NSD2: variants seen among roughly 807,000 people sequenced by gnomAD.
NSD2 encodes nuclear receptor binding SET domain protein 2, also known as histone-lysine N-methyltransferase NSD2.
NSD2 carries 12 observed loss-of-function variants against 139.0 expected under a neutral mutation model. That is an observed-to-expected ratio of 0.09 (90% CI 0.06 to 0.14). The LOEUF is 0.14. Among genes scored for constraint, NSD2 ranks in the 10% least tolerant of loss-of-function variants. The probability of loss-of-function intolerance (pLI) is 1.00; values close to 1 mark genes in which losing one functional copy is unlikely to be tolerated. For synonymous variants in NSD2, 669 were observed against 648.7 expected, an observed-to-expected ratio of 1.03 and a Z score of -0.48; for missense variants, 1,155 against 1,745.0, an observed-to-expected ratio of 0.66 and a Z score of 6.02.
chr4:1,902,161 T>C (rs991704183), intron 2 of NSD2, among the ~76,000 whole-genome samples: 3 of 152,178 alleles, frequency 2.0e-5, no homozygotes, highest in Non-Finnish European at 4.4e-5. Flanking sequence ...AAAAAAACGT[T>C]TTTTGATTAC....
chr4:1,933,123 C>T (rs997733097), intron 6 of NSD2, among the ~76,000 whole-genome samples: 1 of 152,202 alleles, frequency 6.6e-6, no homozygotes, highest in Admixed American at 6.5e-5. Flanking sequence ...CTTGCCTGGC[C>T]CCCATCACAC....
chr4:1,881,625 C>T lies in NSD2; in HGVS notation c.-30+10083C>T, dbSNP rs553336659. Among the ~76,000 whole-genome samples the T allele has an allele frequency of 6.2e-4, 94 of 152,214 alleles. No individual in the cohort carries two copies. The South Asian group carries it at 0.019, about 31-fold the overall frequency. On this transcript the variant is annotated intron_variant, in intron 1 of 21. Transcript: ENST00000508803. ...TTGCCCAGGCTGGTCTTGAATTCCT[C>T]GACTCAAGCAGTCCTTCTGCCTGCA... is the stretch of plus-strand genomic sequence containing the variant.
At chr4:1,977,031 G>A (rs1185901070) in intron 21 of NSD2, among the ~76,000 whole-genome samples, 2 of 152,248 alleles carry the variant, frequency 1.3e-5, no homozygotes, top group African/African-American at 2.4e-5. Flanking sequence ...CCCCTCCTAG[G>A]AGAAAGGCCT....
At chr4:1,900,326 A>G (rs550073611) in intron 1 of NSD2, among the ~76,000 whole-genome samples, 1 of 152,198 alleles carries the variant, frequency 6.6e-6, no homozygotes, top group African/African-American at 2.4e-5. Flanking sequence ...AAGTTAAGTT[A>G]TGTGTCCATG....
chr4:1,967,756 C>T (rs554654211), intron 18 of NSD2, among the ~76,000 whole-genome samples: 1 of 152,176 alleles, frequency 6.6e-6, no homozygotes, highest in Non-Finnish European at 1.5e-5. Flanking sequence ...TGGGTGACAT[C>T]AGACGAGACC....
intron 18 of NSD2, among the ~76,000 whole-genome samples, chr4:1,963,799 A>G (rs1725602441): frequency 6.6e-6 from 1 of 152,224 alleles, no homozygotes; most frequent in Non-Finnish European, 1.5e-5. Flanking sequence ...GGGTCACTTG[A>G]AGCCAGGAGT....
chr4:1,890,110 C>A (rs1243383743), intron 1 of NSD2, among the ~76,000 whole-genome samples: 1 of 152,164 alleles, frequency 6.6e-6, no homozygotes, highest in African/African-American at 2.4e-5. Flanking sequence ...GCTTCTTTCA[C>A]TTAGCATCAT....
At chr4:1,957,175 T>C (rs900917615) in intron 15 of NSD2, among the ~76,000 whole-genome samples, 19 of 152,158 alleles carry the variant, frequency 1.2e-4, no homozygotes, top group Non-Finnish European at 2.5e-4. Context: ...GGCCTCCTTC[T>C]TGGGACGGAT....
chr4:1,931,457 T>A (rs1329004071), intron 6 of NSD2, among the ~76,000 whole-genome samples: 1 of 152,146 alleles, frequency 6.6e-6, no homozygotes, highest in Admixed American at 6.5e-5. Context: ...TGTGCTTGGA[T>A]GTAAATTGTG....
At chr4:1,916,819 T>C in intron 3 of NSD2, 52 bp from the exon 4 acceptor site, 1 of 1,562,000 alleles carries the variant, frequency 6.4e-7, no homozygotes, top group Non-Finnish European at 8.7e-7. Context: ...ATTTGACTAG[T>C]TTCATCCCAG....
At chr4:1,913,825 C>T (rs1390963678) in intron 3 of NSD2, among the ~76,000 whole-genome samples, 1 of 151,992 alleles carries the variant, frequency 6.6e-6, no homozygotes, top group Non-Finnish European at 1.5e-5. Flanking sequence ...TCTTCAATCT[C>T]TTTGTCTTGT....
intron 6 of NSD2, among the ~76,000 whole-genome samples, chr4:1,934,027 T>A (rs1350635897): frequency 6.6e-6 from 1 of 152,138 alleles, no homozygotes; most frequent in African/African-American, 2.4e-5. Flanking sequence ...TTTTTTTTTT[T>A]AAGTTCAACT....
chr4:1,929,056 C>G (rs1287068931), intron 5 of NSD2, among the ~76,000 whole-genome samples: 1 of 151,990 alleles, frequency 6.6e-6, no homozygotes, highest in Admixed American at 6.6e-5. Context: ...AGAAGGTGTC[C>G]TCAAGGTGGG....
Position 1,953,304 on chromosome 4 carries a change from C to T in NSD2, c.2138-20C>T. The T allele has an allele frequency of 6.2e-7, 1 of 1,614,242 alleles. No homozygotes were observed. Among genetic ancestry groups the T allele is most frequent in the African/African-American group, 1.3e-5 (1 of 75,058 alleles). On this transcript the variant is annotated intron_variant, in intron 11 of 21. Transcript: ENST00000508803. ...GTTCTTTGCACCTCTCTCTCCACCC[C>T]TTCTTTAACTTTTTGTTAGGGATTC...
At chr4:1,916,157 G>A (rs1004277171) in intron 3 of NSD2, among the ~76,000 whole-genome samples, 13 of 152,032 alleles carry the variant, frequency 8.6e-5, no homozygotes, top group African/African-American at 3.1e-4. Flanking sequence ...AGATAGGGGG[G>A]TAGCTAGCTG....
intron 1 of NSD2, among the ~76,000 whole-genome samples, chr4:1,894,191 G>C (rs924750453): frequency 6.6e-6 from 1 of 151,944 alleles, no homozygotes; most frequent in Non-Finnish European, 1.5e-5. Context: ...TCCTGACCTC[G>C]AGTGATCTTC....
rs748880605 is a variant in NSD2, at chr4:1,948,550, G to GA, written c.1882-2521dup. On this transcript the variant is annotated intron_variant, in intron 9 of 21. Coordinates refer to ENST00000508803, the MANE Select transcript of NSD2 (RefSeq NM_001042424.3). This position sits in a 1 kb window ranked among gnomAD's most constrained non-coding sequence, Gnocchi z 4.5. ...GGCTAGTTGTCTGTCCGGTGGCTGGGAGGGGGTGTGGTGGGAAAAAGTCGG... is the reference window on the plus strand; with the variant it reads ...GGCTAGTTGTCTGTCCGGTGGCTGGGAAGGGGGTGTGGTGGGAAAAAGTCGG... 39 of 1,064,632 alleles carry GA rather than the reference G, an allele frequency of 3.7e-5. No individual in the cohort carries two copies. The highest frequency in any genetic ancestry group is 4.4e-5 in the Non-Finnish European group (39 of 878,014). 65.9% of individuals were successfully genotyped at this position (1,064,632 alleles called of 1,614,324 possible).
intron 6 of NSD2, among the ~76,000 whole-genome samples, chr4:1,932,339 T>A (rs1462208724): frequency 6.8e-6 from 1 of 147,932 alleles, no homozygotes; most frequent in African/African-American, 2.5e-5. Flanking sequence ...CTCGGGAGGC[T>A]GAGGCACGAG....
chr4:1,948,350 G>C lies in NSD2; in HGVS notation c.1882-2722G>C. On this transcript the variant is annotated intron_variant, in intron 9 of 21. Coordinates refer to ENST00000508803, the MANE Select transcript of NSD2 (RefSeq NM_001042424.3). This position sits in a 1 kb window ranked among gnomAD's most constrained non-coding sequence, Gnocchi z 4.5. Reference sequence around the variant, plus strand: ...TAGACTGAGATTTGGGACTATGTTGGGACCGTACAGGTGAATGTGCCACCT... The same window carrying C: ...TAGACTGAGATTTGGGACTATGTTGCGACCGTACAGGTGAATGTGCCACCT... 2.8e-6 allele frequency: 3 copies of C among 1,066,088 alleles called. No individual in the cohort carries two copies. Among genetic ancestry groups the C allele is most frequent in the Non-Finnish European group, 3.4e-6 (3 of 878,790 alleles). The allele number at this position is 1,066,088 out of a possible 1,614,324, so 66.0% of individuals were successfully genotyped here.
Sources: allele counts gnomAD v4.1 joint callset (sites outside exome capture counted in the v4.1 genomes callset), GRCh38; gene constraint gnomAD v4.1.1; non-coding constraint Gnocchi (gnomAD v3.1); transcripts MANE v1.5; gene names NCBI Gene and HGNC (gene_info 2026-07-23, HGNC 2026-07-21).